Variants in DLGAP1 observed in about 807,000 individuals in gnomAD.
DLGAP1 encodes DLG associated protein 1.
In DLGAP1, 11 loss-of-function variants were observed where a neutral mutation model predicts 90.8. The observed-to-expected ratio is 0.12, with a 90% CI of 0.08 to 0.20. The LOEUF is 0.20. DLGAP1 is among the 10% of genes least tolerant of loss of function. The probability of loss-of-function intolerance (pLI) is 1.00; values close to 1 mark genes in which losing one functional copy is unlikely to be tolerated. For synonymous variants in DLGAP1, 558 were observed against 540.7 expected (o/e 1.03, Z -0.44); for missense variants, 1,050 against 1,333.8 (o/e 0.79, Z 3.31).
rs1339545483 is a variant in DLGAP1 at position 3,517,767 on chromosome 18, AGATCGTGCCATTGCACTCCAGCCTG to A, written c.2480-9131_2480-9107del. Among the ~76,000 whole-genome samples the A allele has an allele frequency of 4.6e-5, 7 of 151,598 alleles. No homozygotes were observed. The highest frequency in any genetic ancestry group is 1.7e-4 in the African/African-American group (7 of 41,202). ...GGGAGGCAGAGGTTGCAGTGAGCCG[AGATCGTGCCATTGCACTCCAGCCTG>A]GGCAACAAGAGAGAAACTCTGTCTC... On this transcript the variant is annotated intron_variant, in intron 10 of 12. Transcript: ENST00000315677. The surrounding 1 kb of genome is among the most constrained non-coding windows in gnomAD (Gnocchi z 4.1).
chr18:3,769,827 T>C lies in DLGAP1; in HGVS notation c.1173-27315A>G, dbSNP rs181915901. Among the ~76,000 whole-genome samples, 111 of 151,022 alleles carry C rather than the reference T, an allele frequency of 7.3e-4. 2 individuals carry two copies. The highest frequency in any genetic ancestry group is 2.5e-3 in the African/African-American group (105 of 41,238). On this transcript the variant is annotated intron_variant, in intron 5 of 12. Coordinates refer to ENST00000315677, the MANE Select transcript of DLGAP1 (RefSeq NM_004746.4). Reference sequence around the variant, plus strand: ...CTTTGTGATATTGTTCTACAGTTTTTTGAAATGTTACCACGGTGGGTGGGG... The same window carrying C: ...CTTTGTGATATTGTTCTACAGTTTTCTGAAATGTTACCACGGTGGGTGGGG...
intron 1 of DLGAP1, among the ~76,000 whole-genome samples, chr18:4,346,190 T>TA (rs2081299625): frequency 6.6e-6 from 1 of 152,142 alleles, no homozygotes; most frequent in African/African-American, 2.4e-5. Context: ...AGAGCCAGGC[T>TA]AGCTTAGTCA....
chr18:3,883,061 T>C (rs1599101730), intron 3 of DLGAP1, among the ~76,000 whole-genome samples: 1 of 152,152 alleles, frequency 6.6e-6, no homozygotes, highest in Admixed American at 6.5e-5. Flanking sequence ...CTAGCCAACA[T>C]GGTGAAACCT....
intron 1 of DLGAP1, among the ~76,000 whole-genome samples, chr18:4,300,110 T>C (rs185516842): frequency 8.7e-4 from 133 of 152,294 alleles, no homozygotes; most frequent in African/African-American, 3.1e-3. Context: ...CAAAAGCATA[T>C]AGAGAAATAC....
At chr18:3,949,456 G>T (rs1333406921) in intron 3 of DLGAP1, among the ~76,000 whole-genome samples, 1 of 152,132 alleles carries the variant, frequency 6.6e-6, no homozygotes, top group Non-Finnish European at 1.5e-5. Flanking sequence ...CACACCACAG[G>T]TCTAGGTTGT....
At chr18:4,236,963 A>C (rs371928027) in intron 1 of DLGAP1, among the ~76,000 whole-genome samples, 8 of 152,174 alleles carry the variant, frequency 5.3e-5, no homozygotes, top group East Asian at 3.9e-4. Flanking sequence ...AAACTAAATA[A>C]ATGAGTCACG....
intron 2 of DLGAP1, among the ~76,000 whole-genome samples, chr18:4,131,526 G>C (rs2076317133): frequency 6.6e-6 from 1 of 152,112 alleles, no homozygotes; most frequent in Non-Finnish European, 1.5e-5. Context: ...AAGAGAACAG[G>C]TGTGGCTGTG....
At chr18:3,933,343 C>T (rs142573948) in intron 3 of DLGAP1, among the ~76,000 whole-genome samples, 50 of 152,276 alleles carry the variant, frequency 3.3e-4, no homozygotes, top group African/African-American at 4.1e-4. Context: ...TTGATCATCA[C>T]GGTTCAGGTT....
chr18:3,872,266 C>T (rs9948278), intron 4 of DLGAP1, among the ~76,000 whole-genome samples: 1 of 146,372 alleles, frequency 6.8e-6, no homozygotes, highest in African/African-American at 2.5e-5. Flanking sequence ...AGAATTTGGT[C>T]AAAAGTAACA....
intron 5 of DLGAP1, among the ~76,000 whole-genome samples, chr18:3,760,430 T>C (rs1370472997): frequency 6.6e-6 from 1 of 152,198 alleles, no homozygotes; most frequent in Non-Finnish European, 1.5e-5. Flanking sequence ...AGTTTCTTTT[T>C]TTGGGAGCAG....
chr18:3,563,264 G>A (rs1038211873), intron 9 of DLGAP1, among the ~76,000 whole-genome samples: 2 of 151,958 alleles, frequency 1.3e-5, no homozygotes, highest in Admixed American at 1.3e-4. Context: ...TGTTTGTTTT[G>A]GCATTTATCT....
intron 1 of DLGAP1, among the ~76,000 whole-genome samples, chr18:4,262,903 A>G (rs1333656972): frequency 6.6e-6 from 1 of 152,112 alleles, no homozygotes; most frequent in Non-Finnish European, 1.5e-5. Context: ...GTAAGTATTC[A>G]CAATATTGCC....
intron 1 of DLGAP1, among the ~76,000 whole-genome samples, chr18:4,374,924 T>C (rs780933725): frequency 6.6e-6 from 1 of 152,016 alleles, no homozygotes; most frequent in Non-Finnish European, 1.5e-5. Flanking sequence ...GAAAAGGAAA[T>C]GGACAAATTT....
chr18:4,361,292 G>C (rs182432898), intron 1 of DLGAP1, among the ~76,000 whole-genome samples: 359 of 152,146 alleles, frequency 2.4e-3, no homozygotes, highest in African/African-American at 8.0e-3. Context: ...AAGAAATCCT[G>C]AATAGCCAAA....
chr18:4,271,792 T>A (rs1486052219), intron 1 of DLGAP1, among the ~76,000 whole-genome samples: 2 of 152,216 alleles, frequency 1.3e-5, no homozygotes, highest in East Asian at 3.8e-4. Context: ...ACCTTTCTGC[T>A]TCAAATATAA....
chr18:3,844,869 G>C (rs73374508), intron 4 of DLGAP1, among the ~76,000 whole-genome samples: 21,058 of 152,102 alleles, frequency 0.14, 1,551 homozygotes, highest in African/African-American at 0.16. Flanking sequence ...CTATATCATA[G>C]TAAATATATT....
intron 1 of DLGAP1, among the ~76,000 whole-genome samples, chr18:4,194,285 C>T (rs1598593288): frequency 6.6e-6 from 1 of 152,100 alleles, no homozygotes; most frequent in African/African-American, 2.4e-5. Context: ...GCGTTAATTT[C>T]TTTAGGATAA....
chr18:4,045,617 AC>A (rs1270440149), intron 2 of DLGAP1, among the ~76,000 whole-genome samples: 1 of 151,354 alleles, frequency 6.6e-6, no homozygotes, highest in African/African-American at 2.4e-5. Flanking sequence ...AAACAAACAA[AC>A]AAAAAAACCC....
intron 1 of DLGAP1, among the ~76,000 whole-genome samples, chr18:4,373,478 G>A (rs16946613): frequency 0.038 from 5,787 of 152,168 alleles, 322 homozygotes; most frequent in African/African-American, 0.13. Context: ...AATGTAACTC[G>A]GCCATCTCAG....
Sources: allele counts gnomAD v4.1 joint callset (sites outside exome capture counted in the v4.1 genomes callset), GRCh38; gene constraint gnomAD v4.1.1; non-coding constraint Gnocchi (gnomAD v3.1); transcripts MANE v1.5; gene names NCBI Gene and HGNC (gene_info 2026-07-23, HGNC 2026-07-21).